The following DOK5 variants were observed in gnomAD, a reference collection of about 807,000 sequenced individuals.
DOK5 encodes docking protein 5, also known as downstream of tyrosine kinase 5.
DOK5 carries 27 observed loss-of-function variants against 43.3 expected under a neutral mutation model. The observed-to-expected ratio is 0.62, with a 90% CI of 0.46 to 0.86. The LOEUF is 0.86. Among genes scored for constraint, DOK5 ranks in the 40% least tolerant of loss-of-function variants. The probability of loss-of-function intolerance (pLI) is 0.00; values close to 1 mark genes in which losing one functional copy is unlikely to be tolerated. For synonymous variants in DOK5, 146 were observed against 140.1 expected (o/e 1.04, Z -0.30); for missense variants, 373 against 392.9 (o/e 0.95, Z 0.43).
intron 2 of DOK5, among the ~76,000 whole-genome samples, chr20:54,559,431 G>A (rs1984826068): frequency 6.6e-6 from 1 of 152,202 alleles, no homozygotes. Flanking sequence ...ATGTGGCTGA[G>A]TCTGCAGGGA....
intron 1 of DOK5, among the ~76,000 whole-genome samples, chr20:54,520,966 T>C (rs918794668): frequency 1.3e-5 from 2 of 152,152 alleles, no homozygotes; most frequent in Non-Finnish European, 2.9e-5. Context: ...TTCTTAATTA[T>C]GGTAGACACA....
intron 5 of DOK5, among the ~76,000 whole-genome samples, chr20:54,595,593 C>T (rs546179028): frequency 2.6e-5 from 4 of 152,284 alleles, no homozygotes; most frequent in Admixed American, 2.0e-4. Context: ...CCAAGAACTC[C>T]ACTGGTTAGA....
At chr20:54,490,887 C>T (rs980395081) in intron 1 of DOK5, among the ~76,000 whole-genome samples, 4 of 152,240 alleles carry the variant, frequency 2.6e-5, no homozygotes, top group Non-Finnish European at 4.4e-5. Flanking sequence ...CGCGCCCAGC[C>T]TCTTTTCCTT....
chr20:54,584,074 CAGG>C (rs748623135), intron 2 of DOK5, among the ~76,000 whole-genome samples: 12 of 151,988 alleles, frequency 7.9e-5, no homozygotes, highest in Non-Finnish European at 1.5e-4. Flanking sequence ...TGCTTGAACC[CAGG>C]AGGCAGAGGT....
chr20:54,568,805 C>A (rs1985180363), intron 2 of DOK5, among the ~76,000 whole-genome samples: 1 of 151,940 alleles, frequency 6.6e-6, no homozygotes, highest in Admixed American at 6.5e-5. Context: ...TGGCGGGCGC[C>A]TGTAGTCCCA....
chr20:54,587,125 A>G (rs1041071039), intron 2 of DOK5, among the ~76,000 whole-genome samples: 6 of 152,216 alleles, frequency 3.9e-5, no homozygotes, highest in African/African-American at 1.4e-4. Flanking sequence ...GTGGCAAAAA[A>G]TAAAAATAAA....
At chr20:54,543,241 G>A (rs1267352632) in intron 1 of DOK5, among the ~76,000 whole-genome samples, 1 of 141,646 alleles carries the variant, frequency 7.1e-6, no homozygotes, top group African/African-American at 2.6e-5. Flanking sequence ...TAGTTCAAAG[G>A]GTAATTCAAA....
At chr20:54,603,614 A>G (rs1427403285) in intron 5 of DOK5, among the ~76,000 whole-genome samples, 2 of 152,188 alleles carry the variant, frequency 1.3e-5, no homozygotes, top group Admixed American at 1.3e-4. Flanking sequence ...GTTAAACTGC[A>G]GGGTACTACT....
At position 54,643,450 on chromosome 20, in the gene DOK5, G is replaced by T. The variant is rs770716151; in HGVS notation, c.736-8G>T. The T allele has an allele frequency of 6.2e-7, 1 of 1,613,022 alleles. No homozygotes were observed. Among genetic ancestry groups the T allele is most frequent in the South Asian group, 1.1e-5 (1 of 91,068 alleles). On this transcript the variant is annotated splice_region_variant and splice_polypyrimidine_tract_variant and intron_variant, in intron 6 of 7. Transcript: ENST00000262593. The stretch of plus-strand genomic sequence containing the variant: ...GCTGACGCACAACTTTCTTCCCTTT[G>T]GCTGCAGCTCCAGATGAAGATGAGT...
chr20:54,612,768 A>T (rs555051233), intron 6 of DOK5, among the ~76,000 whole-genome samples: 6 of 152,190 alleles, frequency 3.9e-5, no homozygotes, highest in Non-Finnish European at 8.8e-5. Context: ...AGGGGTAGAA[A>T]CAGATAAAAC....
At chr20:54,604,946 G>C (rs6098103) in intron 5 of DOK5, among the ~76,000 whole-genome samples, 26,368 of 150,338 alleles carry the variant, frequency 0.18, 4,282 homozygotes, top group African/African-American at 0.43. Context: ...AGGTTGCAGT[G>C]AGCCAAGATG....
chr20:54,631,375 A>T (rs1978558353), intron 6 of DOK5, among the ~76,000 whole-genome samples: 1 of 151,722 alleles, frequency 6.6e-6, no homozygotes. Context: ...ATGTTTTGCC[A>T]CTGCACTCCA....
At chr20:54,624,878 T>C (rs375948474) in intron 6 of DOK5, among the ~76,000 whole-genome samples, 6 of 152,322 alleles carry the variant, frequency 3.9e-5, no homozygotes, top group African/African-American at 1.2e-4. Context: ...ACAGTCTGCT[T>C]TGTCAAAGCT....
intron 2 of DOK5, among the ~76,000 whole-genome samples, chr20:54,565,312 A>C (rs1985058699): frequency 1.3e-5 from 2 of 152,240 alleles, no homozygotes; most frequent in Admixed American, 1.3e-4. Context: ...TACTGTAATA[A>C]AAGTTATATG....
chr20:54,500,984 C>T (rs1322779743), intron 1 of DOK5, among the ~76,000 whole-genome samples: 1 of 152,034 alleles, frequency 6.6e-6, no homozygotes, highest in Admixed American at 6.5e-5. Flanking sequence ...ATAGTAAAAA[C>T]ATTTAAGTTG....
At chr20:54,517,541 A>C (rs1983240661) in intron 1 of DOK5, among the ~76,000 whole-genome samples, 1 of 152,308 alleles carries the variant, frequency 6.6e-6, no homozygotes, top group South Asian at 2.1e-4. Context: ...TTTCCTTATT[A>C]GTAAAATAAA....
At chr20:54,588,869 A>G in intron 4 of DOK5, 63 bp downstream of exon 4, 2 of 1,562,350 alleles carry the variant, frequency 1.3e-6, no homozygotes, top group South Asian at 2.3e-5. Context: ...ATGATAAAAC[A>G]TAAGACATCT....
At chr20:54,520,121 G>A (rs2146695514) in intron 1 of DOK5, among the ~76,000 whole-genome samples, 1 of 152,252 alleles carries the variant, frequency 6.6e-6, no homozygotes, top group East Asian at 1.9e-4. Flanking sequence ...AGGCAACTCA[G>A]TAGAACACTC....
At chr20:54,551,854 G>A (rs924839053) in intron 1 of DOK5, among the ~76,000 whole-genome samples, 14 of 151,930 alleles carry the variant, frequency 9.2e-5, no homozygotes, top group African/African-American at 2.9e-4. Context: ...TTTTTTGGTA[G>A]TCTCTCTCTG....
Sources: gnomAD v4.1 joint callset for allele counts (sites outside exome capture counted in the v4.1 genomes callset) on GRCh38, gnomAD v4.1.1 for gene constraint, MANE v1.5 for transcripts, NCBI Gene and HGNC (gene_info 2026-07-23, HGNC 2026-07-21) for gene names.